PKP2: variants seen among roughly 807,000 people sequenced by gnomAD.
The protein encoded by PKP2 is plakophilin-2.
Under a neutral mutation model 83.4 loss-of-function variants are expected in PKP2, and 73 were observed. The ratio of observed to expected loss-of-function variants is 0.88; its 90% CI spans 0.72 to 1.06. The LOEUF is 1.06. PKP2 is among the 50% of genes least tolerant of loss of function. The pLI is 0.00. For synonymous variants in PKP2, 409 were observed against 430.4 expected (o/e 0.95, Z 0.62); for missense variants, 966 against 1,065.4 (o/e 0.91, Z 1.30).
intron 9 of PKP2, among the ~76,000 whole-genome samples, chr12:32,804,795 A>G (rs548941577): frequency 4.3e-4 from 65 of 152,276 alleles, no homozygotes; most frequent in Non-Finnish European, 7.8e-4. Context: ...AGGACGATTT[A>G]TATTCCTTTG....
chr12:32,843,273 G>T lies in PKP2; in HGVS notation c.1379-2068C>A. On this transcript the variant is annotated intron_variant, in intron 5 of 12. Coordinates refer to ENST00000340811, the MANE Select transcript of PKP2 (RefSeq NM_001005242.3). ...TGGGATTACAGGCGTGAGCCACCGC[G>T]CCCGGCCAGCCATTCCTACTTCTTA... The T allele has an allele frequency of 1.5e-6, 2 of 1,338,964 alleles. No individual in the cohort carries two copies. The highest frequency in any genetic ancestry group is 2.0e-6 in the Non-Finnish European group (2 of 999,484). 82.9% of individuals were successfully genotyped at this position (1,338,964 alleles called of 1,614,324 possible). A position where few individuals can be genotyped will look rare whatever the true frequency, so the allele number is the denominator to read the frequency against.
chr12:32,822,756 G>A (rs1329099839), intron 7 of PKP2, 125 bp from the exon 8 acceptor site: 18 of 955,922 alleles, frequency 1.9e-5, no homozygotes, highest in Admixed American at 9.2e-5. Context: ...CTTAAACTGC[G>A]GGTTGCCTGG....
chr12:32,844,574 C>A (rs1390163524), intron 5 of PKP2, among the ~76,000 whole-genome samples: 1 of 152,074 alleles, frequency 6.6e-6, no homozygotes, highest in Non-Finnish European at 1.5e-5. Flanking sequence ...AGTGGAAATT[C>A]TAAAGAAGGA....
At chr12:32,868,531 T>G (rs2137917827) in intron 4 of PKP2, among the ~76,000 whole-genome samples, 1 of 150,496 alleles carries the variant, frequency 6.6e-6, no homozygotes, top group African/African-American at 2.5e-5. Context: ...TTTTCTTTTC[T>G]TTTTTTTCTG....
chr12:32,843,340 G>A (rs1251850082), intron 5 of PKP2: 3 of 1,363,582 alleles, frequency 2.2e-6, no homozygotes, highest in African/African-American at 3.0e-5. Context: ...GGAAGCATAG[G>A]TACTCAGGGC....
intron 4 of PKP2, among the ~76,000 whole-genome samples, chr12:32,864,602 C>T (rs1173418617): frequency 6.6e-6 from 1 of 152,118 alleles, no homozygotes; most frequent in Non-Finnish European, 1.5e-5. Context: ...TGTCAATTCT[C>T]TCCATATTGA....
At chr12:32,870,085 G>A (rs1015760151) in intron 3 of PKP2, among the ~76,000 whole-genome samples, 3 of 152,168 alleles carry the variant, frequency 2.0e-5, no homozygotes, top group Non-Finnish European at 4.4e-5. Context: ...ATTTAGGAGT[G>A]TTCTTTGGCT....
At chr12:32,827,886 T>G (rs1340852220) in intron 6 of PKP2, among the ~76,000 whole-genome samples, 1 of 152,252 alleles carries the variant, frequency 6.6e-6, no homozygotes, top group Non-Finnish European at 1.5e-5. Flanking sequence ...AGCCTAAGTC[T>G]GAGTAAATAT....
intron 4 of PKP2, among the ~76,000 whole-genome samples, chr12:32,862,942 T>C (rs1592755967): frequency 1.3e-5 from 2 of 152,168 alleles, no homozygotes; most frequent in East Asian, 1.9e-4. Context: ...GAGGTTGCAG[T>C]GAGCTAAGAT....
intron 3 of PKP2, among the ~76,000 whole-genome samples, chr12:32,872,376 T>C (rs547722422): frequency 6.6e-6 from 1 of 151,906 alleles, no homozygotes; most frequent in South Asian, 2.1e-4. Context: ...CTACTAAAAA[T>C]ACAAAAAATT....
Position 32,868,898 on chromosome 12 carries a change from C to T in PKP2, c.1170+29G>A, listed in dbSNP as rs1292004010. 14 of 1,609,838 alleles carry T rather than the reference C, an allele frequency of 8.7e-6. No homozygotes were observed. The East Asian group carries it at 3.1e-4, about 36-fold the overall frequency. The stretch of plus-strand genomic sequence containing the variant: ...ATAATAGAAGTGAAAGTGTGTTGCG[C>T]TTTGCAATGGACTGAAGATGACACT... On this transcript the variant is annotated intron_variant, in intron 4 of 12. Transcript: ENST00000340811.
chr12:32,850,323 G>A (rs1956684487), intron 5 of PKP2, among the ~76,000 whole-genome samples: 4 of 152,178 alleles, frequency 2.6e-5, no homozygotes, highest in Admixed American at 6.5e-5. Context: ...GGAGGCCGAG[G>A]CGGGCGGATC....
intron 9 of PKP2, among the ~76,000 whole-genome samples, chr12:32,808,416 C>T (rs927857623): frequency 1.3e-5 from 2 of 152,282 alleles, no homozygotes; most frequent in African/African-American, 4.8e-5. Context: ...TTCTGGTTAT[C>T]AGCTCCTGTA....
intron 11 of PKP2, among the ~76,000 whole-genome samples, chr12:32,794,315 A>G (rs1956101785): frequency 6.6e-6 from 1 of 152,206 alleles, no homozygotes; most frequent in Non-Finnish European, 1.5e-5. Flanking sequence ...TTTGTTTATA[A>G]GTTGGTTGTT....
intron 10 of PKP2, among the ~76,000 whole-genome samples, chr12:32,798,278 G>C (rs1467598132): frequency 1.3e-5 from 2 of 151,176 alleles, no homozygotes; most frequent in Non-Finnish European, 2.9e-5. Flanking sequence ...TTTTTCAGTA[G>C]AGATGGGGTT....
At chr12:32,868,804 G>GA in intron 4 of PKP2, 123 bp downstream of exon 4, 5 of 1,116,968 alleles carry the variant, frequency 4.5e-6, no homozygotes, top group Non-Finnish European at 6.7e-6. Flanking sequence ...ATATAGGCGT[G>GA]AACCACCACG....
chr12:32,840,392 G>A (rs1956578646), intron 6 of PKP2, among the ~76,000 whole-genome samples: 1 of 152,138 alleles, frequency 6.6e-6, no homozygotes, highest in Non-Finnish European at 1.5e-5. Context: ...TCAACCTCCT[G>A]TGCTCAAGAG....
intron 8 of PKP2, 35 bp downstream of exon 8, chr12:32,822,432 C>T: frequency 1.3e-6 from 2 of 1,572,942 alleles, no homozygotes; most frequent in Non-Finnish European, 1.7e-6. Flanking sequence ...CTCATTCTCT[C>T]CCTTTCTCAT....
chr12:32,878,096 G>T lies in PKP2; in HGVS notation c.784C>A (p.Leu262Met), dbSNP rs199701968. Residue 262 changes from leucine to methionine, a missense_variant, in exon 3 of 13, where the codon CTG becomes ATG. Transcript: ENST00000340811. ...MGNLLEKENY[L>M]TAGLTVGQVR... The stretch of plus-strand genomic sequence containing the variant: ...TGCCCGACAGTGAGCCCTGCCGTCA[G>T]GTAGTTCTCCTTCTCCAAGAGGTTG... The T allele has an allele frequency of 1.9e-6, 3 of 1,614,226 alleles. No individual in the cohort carries two copies. In the East Asian group the frequency reaches 6.7e-5, roughly 36 times the overall value.
Sources: allele counts gnomAD v4.1 joint callset (sites outside exome capture counted in the v4.1 genomes callset), GRCh38; gene constraint gnomAD v4.1.1; transcripts MANE v1.5; gene names NCBI Gene and HGNC (gene_info 2026-07-23, HGNC 2026-07-21).